Variants in PAK2 observed in about 807,000 individuals in gnomAD.
The protein encoded by PAK2 is p21 (RAC1) activated kinase 2, also known as serine/threonine-protein kinase PAK 2.
In PAK2, 21 loss-of-function variants were observed where a neutral mutation model predicts 65.9. The ratio of observed to expected loss-of-function variants is 0.32; its 90% confidence interval spans 0.23 to 0.46. The LOEUF (loss-of-function observed/expected upper bound fraction) is 0.46, where lower values mean the gene tolerates loss of function less well. Among genes scored for constraint, PAK2 ranks in the 20% least tolerant of loss-of-function variants. The probability of loss-of-function intolerance (pLI) is 1.00; values close to 1 mark genes in which losing one functional copy is unlikely to be tolerated. For synonymous variants in PAK2, 204 were observed against 219.7 expected (o/e 0.93, Z 0.63); for missense variants, 324 against 642.6 (o/e 0.50, Z 5.36).
chr3:196,794,817 G>A (rs769677211), intron 2 of PAK2, among the ~76,000 whole-genome samples: 4 of 152,260 alleles, frequency 2.6e-5, no homozygotes, highest in Admixed American at 6.5e-5. Context: ...ACTGCTACCA[G>A]AATATCCCCT....
At chr3:196,762,795 CAAAAAAAA>C (rs63606860) in intron 1 of PAK2, among the ~76,000 whole-genome samples, 2 of 135,116 alleles carry the variant, frequency 1.5e-5, no homozygotes, top group Non-Finnish European at 3.2e-5. Flanking sequence ...AACTCCGTCT[CAAAAAAAA>C]AAAAAAGAAG....
intron 1 of PAK2, among the ~76,000 whole-genome samples, chr3:196,756,564 G>T (rs115221184): frequency 6.6e-6 from 1 of 152,188 alleles, no homozygotes; most frequent in South Asian, 2.1e-4. Context: ...TGGGCTGGGC[G>T]TGGTGGCTCA....
intron 1 of PAK2, among the ~76,000 whole-genome samples, chr3:196,759,498 GTTTTTTTTTTTTTTTTTTT>G (rs71301221): frequency 2.6e-4 from 28 of 108,158 alleles, no homozygotes; most frequent in South Asian, 6.0e-4. Flanking sequence ...GGTTTTTTTT[GTTTTTTTTTTTTTTTTTTT>G]TTTTTTTTTT....
intron 1 of PAK2, among the ~76,000 whole-genome samples, chr3:196,780,135 T>C (rs1714660275): frequency 6.6e-6 from 1 of 152,196 alleles, no homozygotes; most frequent in Non-Finnish European, 1.5e-5. Context: ...GAAGAATCAT[T>C]TTAGGGCATG....
intron 2 of PAK2, among the ~76,000 whole-genome samples, chr3:196,800,406 GAA>G (rs1560108699): frequency 6.6e-6 from 1 of 151,968 alleles, no homozygotes; most frequent in African/African-American, 2.4e-5. Context: ...AAGAAAGAAA[GAA>G]ATTCTCCTTA....
Position 196,812,829 on chromosome 3 carries a change from A to T in PAK2, c.913A>T (p.Asn305Tyr). Residue 305 changes from asparagine (N) to tyrosine (Y), a missense_variant, in exon 10 of 15, where the codon AAC becomes TAC. Physicochemically the swap from Asn to Tyr is moderately radical, Grantham distance 143. Coordinates refer to ENST00000327134, the MANE Select transcript of PAK2 (RefSeq NM_002577.4). ...ILVMKELKNPNIVNFLDSYLV... is the reference protein window; with the variant it reads ...ILVMKELKNPYIVNFLDSYLV... Reference sequence around the variant, plus strand: ...GGTGATGAAAGAATTGAAAAATCCCAACATCGTTAACTTTTTGGACAGGTA... The same window carrying T: ...GGTGATGAAAGAATTGAAAAATCCCTACATCGTTAACTTTTTGGACAGGTA... 6.7e-7 allele frequency: 1 copy of T among 1,501,190 alleles called. No individual in the cohort carries two copies. Among genetic ancestry groups the T allele is most frequent in the Non-Finnish European group, 9.3e-7 (1 of 1,077,982 alleles). 93.0% of individuals were successfully genotyped at this position (1,501,190 alleles called of 1,614,324 possible).
At chr3:196,768,808 G>C (rs1714266850) in intron 1 of PAK2, among the ~76,000 whole-genome samples, 4 of 151,954 alleles carry the variant, frequency 2.6e-5, no homozygotes, top group Admixed American at 2.0e-4. Context: ...TGGGATTACA[G>C]ACGCGTCTCA....
Position 196,824,635 on chromosome 3 carries a change from T to C in PAK2, c.1351-2561T>C, listed in dbSNP as rs191115579. On this transcript the variant is annotated intron_variant, in intron 13 of 14. Coordinates refer to ENST00000327134, the MANE Select transcript of PAK2 (RefSeq NM_002577.4). ...CAGGGAATTTTTTTGGGCAGTGAAA[T>C]TACTTTGTATGATATTATAATGGCG... Among the ~76,000 whole-genome samples the C allele has an allele frequency of 2.3e-3, 353 of 152,056 alleles. 2 individuals are homozygous for C. The highest frequency in any genetic ancestry group is 8.0e-3 in the African/African-American group (332 of 41,476).
At chr3:196,751,662 T>TAAA (rs1491371013) in intron 1 of PAK2, among the ~76,000 whole-genome samples, 2 of 53,324 alleles carry the variant, frequency 3.8e-5, no homozygotes, top group Non-Finnish European at 7.3e-5. Context: ...AACACACAAA[T>TAAA]TTATTTATAT....
chr3:196,778,421 G>A (rs1714604014), intron 1 of PAK2, among the ~76,000 whole-genome samples: 1 of 152,130 alleles, frequency 6.6e-6, no homozygotes, highest in African/African-American at 2.4e-5. Flanking sequence ...GGAATTGCGG[G>A]GTCGCATAGT....
intron 7 of PAK2, 62 bp from the exon 8 acceptor site, chr3:196,810,528 A>G: frequency 2.4e-6 from 2 of 847,916 alleles, no homozygotes; most frequent in South Asian, 2.7e-5. Context: ...AGGAATAATA[A>G]TATCACAATC....
At chr3:196,814,920 C>A (rs916292582) in intron 11 of PAK2, among the ~76,000 whole-genome samples, 1 of 152,170 alleles carries the variant, frequency 6.6e-6, no homozygotes, top group Non-Finnish European at 1.5e-5. Context: ...TGGCTCACGC[C>A]TGTAATCCCA....
At position 196,803,795 on chromosome 3, in the gene PAK2, C is replaced by G. The variant is rs73891513; in HGVS notation, c.436+631C>G. Among the ~76,000 whole-genome samples the G allele has an allele frequency of 1.9e-3, 291 of 152,252 alleles. 1 individual carries two copies. Among genetic ancestry groups the G allele is most frequent in the African/African-American group, 6.6e-3 (273 of 41,554 alleles). On this transcript the variant is annotated intron_variant, in intron 4 of 14. Coordinates refer to ENST00000327134, the MANE Select transcript of PAK2 (RefSeq NM_002577.4). Reference sequence around the variant, plus strand: ...CTGGATGGAAATGGGGTTTGATGTACTTTGTTTTCCAAGTTGCTCAGTATC... The same window carrying G: ...CTGGATGGAAATGGGGTTTGATGTAGTTTGTTTTCCAAGTTGCTCAGTATC...
At chr3:196,819,850 GT>G (rs1711593982) in intron 12 of PAK2, among the ~76,000 whole-genome samples, 1 of 152,096 alleles carries the variant, frequency 6.6e-6, no homozygotes, top group Non-Finnish European at 1.5e-5. Flanking sequence ...TTCAAAAATA[GT>G]TTACAGCTGG....
chr3:196,749,989 C>T (rs372533005), intron 1 of PAK2, among the ~76,000 whole-genome samples: 5 of 141,424 alleles, frequency 3.5e-5, no homozygotes, highest in Non-Finnish European at 6.1e-5. Context: ...CTGGCTATTT[C>T]TTTTTTTTTT....
intron 1 of PAK2, among the ~76,000 whole-genome samples, chr3:196,778,498 A>G (rs1193756338): frequency 1.3e-5 from 2 of 152,182 alleles, no homozygotes; most frequent in African/African-American, 2.4e-5. Flanking sequence ...TTAGGGGATA[A>G]TTTTAGATTT....
chr3:196,769,614 G>A (rs1195120925), intron 1 of PAK2, among the ~76,000 whole-genome samples: 9 of 149,436 alleles, frequency 6.0e-5, no homozygotes, highest in East Asian at 4.0e-4. Context: ...GATCGAGACT[G>A]TCCTGGCTAA....
intron 1 of PAK2, among the ~76,000 whole-genome samples, chr3:196,776,128 A>G (rs1162775181): frequency 1.3e-5 from 2 of 152,148 alleles, no homozygotes; most frequent in Non-Finnish European, 2.9e-5. Context: ...TTAACACATT[A>G]TTTGCTTTCA....
chr3:196,803,990 C>T (rs907782199), intron 4 of PAK2, among the ~76,000 whole-genome samples: 1 of 152,180 alleles, frequency 6.6e-6, no homozygotes, highest in Admixed American at 6.6e-5. Flanking sequence ...TAGGCTTCCC[C>T]TCCCACACAC....
Sources: allele counts gnomAD v4.1 joint callset (sites outside exome capture counted in the v4.1 genomes callset), GRCh38; gene constraint gnomAD v4.1.1; transcripts MANE v1.5; gene names NCBI Gene and HGNC (gene_info 2026-07-23, HGNC 2026-07-21).